The following EDC4 variants were observed in gnomAD, a reference collection of about 807,000 sequenced individuals.
EDC4 encodes the protein enhancer of mRNA-decapping protein 4.
A neutral mutation model predicts 155.8 loss-of-function variants in EDC4; 64 were observed. The observed-to-expected ratio is 0.41, with a 90% CI of 0.34 to 0.51. The LOEUF is 0.51. Ranked by LOEUF, EDC4 falls within the 20% of genes least tolerant of loss-of-function variation. EDC4 has a pLI of 0.19. For synonymous variants in EDC4, 684 were observed against 716.8 expected, an observed-to-expected ratio of 0.95 and a Z score of 0.73; for missense variants, 1,303 against 1,812.5, an observed-to-expected ratio of 0.72 and a Z score of 5.10.
At position 67,881,718 on chromosome 16, in the gene EDC4, A is replaced by C; in HGVS notation, c.2877A>C (p.Arg959Ser). ...DWPALIWQQQ[R>S]ELAELRHSQE... ...CAGCACTAATTTGGCAACAGCAGAG[A>C]GAGCTGGCAGAGCTGCGGCACAGCC... Residue 959 changes from arginine (R) to serine (S), a missense_variant, in exon 22 of 29, where the codon AGA becomes AGC. Around this residue, in one of 5 missense-constraint regions of EDC4, gnomAD observed 527 missense variants for 757.0 expected, o/e 0.70. Transcript: ENST00000358933. The surrounding 1 kb of genome is among the most constrained non-coding windows in gnomAD (Gnocchi z 5.4). 11 of 1,614,064 alleles carry C rather than the reference A, an allele frequency of 6.8e-6. No homozygotes were observed. Among genetic ancestry groups the C allele is most frequent in the Non-Finnish European group, 9.3e-6 (11 of 1,179,984 alleles).
rs750996360 is a variant in EDC4, at chr16:67,878,223, G to A, written c.952G>A (p.Asp318Asn). 1.4e-5 allele frequency: 22 copies of A among 1,613,992 alleles called. No homozygotes were observed. The highest frequency in any genetic ancestry group is 6.7e-5 in the East Asian group (3 of 44,894). Reference protein sequence around the residue: ...DGTVLATASHDGYVKFWQIYI... With the variant: ...DGTVLATASHNGYVKFWQIYI... The stretch of plus-strand genomic sequence containing the variant: ...GACTGTGCTGGCTACTGCGAGCCAC[G>A]ATGGCTATGTCAAGTTCTGGCAGAT... The change falls in exon 8 of 29, where the codon GAT becomes AAT. Residue 318 changes from aspartate (D) to asparagine (N), a missense_variant. By Grantham distance (23) the Asp-to-Asn change is conservative (BLOSUM62 1). Around this residue, in one of 5 missense-constraint regions of EDC4, gnomAD observed 235 missense variants for 367.7 expected, o/e 0.64. Coordinates refer to ENST00000358933, the MANE Select transcript of EDC4 (RefSeq NM_014329.5). The surrounding 1 kb of genome is among the most constrained non-coding windows in gnomAD (Gnocchi z 5.2).
rs751287965 is a variant in EDC4 at position 67,881,225 on chromosome 16, C to T, written c.2637-40C>T. The T allele has an allele frequency of 6.2e-7, 1 of 1,614,026 alleles. No individual in the cohort carries two copies. The highest frequency in any genetic ancestry group is 1.7e-5 in the Admixed American group (1 of 60,020). On this transcript the variant is annotated intron_variant, in intron 19 of 28. Coordinates refer to ENST00000358933, the MANE Select transcript of EDC4 (RefSeq NM_014329.5). This position sits in a 1 kb window ranked among gnomAD's most constrained non-coding sequence, Gnocchi z 5.4. ...ATTGCCCTCATGGGGGGATGGGCAG[C>T]AAGTGGGCAGGGGCTTACTCCTCCT...
Position 67,877,811 on chromosome 16 carries a change from A to G in EDC4, c.860A>G (p.Lys287Arg). Residue 287 changes from lysine (K) to arginine (R), a missense_variant, in exon 7 of 29, where the codon AAG becomes AGG. By Grantham distance (26) the Lys-to-Arg change is conservative. This residue lies in a region of EDC4 where 235 missense variants were observed against 367.7 expected (regional missense o/e 0.64). Transcript: ENST00000358933. The surrounding 1 kb of genome is among the most constrained non-coding windows in gnomAD (Gnocchi z 4.9). Reference sequence around the variant, plus strand: ...TGGCCTGTGGATGTTAGCCAGATCAAGCAGGGCTTCATTGTGGTAAAAGGT... The same window carrying G: ...TGGCCTGTGGATGTTAGCCAGATCAGGCAGGGCTTCATTGTGGTAAAAGGT... The part of the protein sequence containing the change: ...STWPVDVSQI[K>R]QGFIVVKGHS... 1 of 1,614,162 alleles carries G rather than the reference A, an allele frequency of 6.2e-7. No homozygotes were observed. The highest frequency in any genetic ancestry group is 2.2e-5 in the East Asian group (1 of 44,880).
chr16:67,878,309 G>A lies in EDC4; in HGVS notation c.1004+34G>A, dbSNP rs1375328710. ...GGGCCTCAGGGACCAGGATCCTCCC[G>A]AGGTAGCCCACCCGACCACTCACTC... On this transcript the variant is annotated intron_variant, in intron 8 of 28. Coordinates refer to ENST00000358933, the MANE Select transcript of EDC4 (RefSeq NM_014329.5). This position sits in a 1 kb window ranked among gnomAD's most constrained non-coding sequence, Gnocchi z 5.2. 82 of 1,614,072 alleles carry A rather than the reference G, an allele frequency of 5.1e-5. No homozygotes were observed. The highest frequency in any genetic ancestry group is 1.2e-4 in the Admixed American group (7 of 60,006).
chr16:67,882,676 C>T lies in EDC4; in HGVS notation c.3443-3C>T, dbSNP rs780019773. On this transcript the variant is annotated splice_region_variant and splice_polypyrimidine_tract_variant and intron_variant, in intron 25 of 28. Transcript: ENST00000358933. The surrounding 1 kb of genome is among the most constrained non-coding windows in gnomAD (Gnocchi z 7.2). ...TCTTATAGTCCCTGTGGTCACCCCT[C>T]AGACTTGCAGCAGCTAGAAAGCCAC... The T allele has an allele frequency of 1.7e-5, 27 of 1,614,122 alleles. No homozygotes were observed. The highest frequency in any genetic ancestry group is 2.2e-5 in the Non-Finnish European group (26 of 1,180,056).
At chr16:67,875,490 A>G (rs1301641996) in intron 1 of EDC4, among the ~76,000 whole-genome samples, 1 of 151,352 alleles carries the variant, frequency 6.6e-6, no homozygotes, top group African/African-American at 2.4e-5. Context: ...CCCTTTTGAA[A>G]CTCTTTATGG....
chr16:67,883,217 C>T lies in EDC4; in HGVS notation c.3849+40C>T. ...AGGCCCTGCTAAGGGTCACGTGTCT[C>T]TTGACAAGGCCCACATACCATACAT... is the stretch of plus-strand genomic sequence containing the variant. On this transcript the variant is annotated intron_variant, in intron 27 of 28. Coordinates refer to ENST00000358933, the MANE Select transcript of EDC4 (RefSeq NM_014329.5). The surrounding 1 kb of genome is among the most constrained non-coding windows in gnomAD (Gnocchi z 5.3). 6.6e-7 allele frequency: 1 copy of T among 1,518,886 alleles called. No individual in the cohort carries two copies. The highest frequency in any genetic ancestry group is 8.8e-7 in the Non-Finnish European group (1 of 1,132,334). 94.1% of individuals were successfully genotyped at this position (1,518,886 alleles called of 1,614,324 possible). A position where few individuals can be genotyped will look rare whatever the true frequency, so the allele number is the denominator to read the frequency against.
At position 67,881,595 on chromosome 16, in the gene EDC4, C is replaced by G. The variant is rs1269358424; in HGVS notation, c.2826+62C>G. The G allele has an allele frequency of 6.2e-7, 1 of 1,612,794 alleles. No homozygotes were observed. Among genetic ancestry groups the G allele is most frequent in the African/African-American group, 1.3e-5 (1 of 74,918 alleles). On this transcript the variant is annotated intron_variant, in intron 21 of 28. Transcript: ENST00000358933. This position sits in a 1 kb window ranked among gnomAD's most constrained non-coding sequence, Gnocchi z 5.4. The stretch of plus-strand genomic sequence containing the variant: ...CACCCTGGGCGGGTGGAGAAGGGCT[C>G]TGGGCCATTCCCTGGTCTGGTGTGT...
chr16:67,876,220 C>A lies in EDC4; in HGVS notation c.239+119C>A. The A allele has an allele frequency of 8.1e-7, 1 of 1,228,748 alleles. No individual in the cohort carries two copies. The highest frequency in any genetic ancestry group is 1.2e-6 in the Non-Finnish European group (1 of 868,438). The allele number at this position is 1,228,748 out of a possible 1,614,324, so 76.1% of individuals were successfully genotyped here. On this transcript the variant is annotated intron_variant, in intron 2 of 28. Transcript: ENST00000358933. This position sits in a 1 kb window ranked among gnomAD's most constrained non-coding sequence, Gnocchi z 5.8. ...CTCTGCTGCTTCCTCTCTAGATGAC[C>A]TGGGGTGGAGCTTGAGCTTGCACTA... is the stretch of plus-strand genomic sequence containing the variant.
rs2058070695 is a variant in EDC4 at position 67,882,113 on chromosome 16, A to C, written c.3160+4A>C. On this transcript the variant is annotated splice_donor_region_variant and intron_variant, in intron 23 of 28. Transcript: ENST00000358933. The surrounding 1 kb of genome is among the most constrained non-coding windows in gnomAD (Gnocchi z 7.2). ...ATCAAGAAGACAGTCCCTCCATGTGAGTTTTGCATGCAGACTCCCTTTGGG... is the reference window on the plus strand; with the variant it reads ...ATCAAGAAGACAGTCCCTCCATGTGCGTTTTGCATGCAGACTCCCTTTGGG... The C allele has an allele frequency of 4.3e-6, 7 of 1,613,576 alleles. No homozygotes were observed. The highest frequency in any genetic ancestry group is 5.1e-6 in the Non-Finnish European group (6 of 1,179,978).
In EDC4 at chr16:67,883,947, C is replaced by CA. The variant is rs926329037; in HGVS notation, c.4014-8dup. 5 of 1,586,850 alleles carry CA rather than the reference C, an allele frequency of 3.2e-6. No homozygotes were observed. In the African/African-American group the frequency reaches 6.7e-5, roughly 21 times the overall value. On this transcript the variant is annotated splice_polypyrimidine_tract_variant and intron_variant, in intron 28 of 28. Transcript: ENST00000358933. The surrounding 1 kb of genome is among the most constrained non-coding windows in gnomAD (Gnocchi z 5.3). Reference sequence around the variant, plus strand: ...CACCTGTAGCCTGTCCTTTCCCCCCCATCCCCAGCTACCTGGAAGAGGCCG... The same window carrying CA: ...CACCTGTAGCCTGTCCTTTCCCCCCCAATCCCCAGCTACCTGGAAGAGGCCG...
rs1343999156 is a variant in EDC4 at position 67,873,103 on chromosome 16, G to A, written c.-159G>A. 9 of 498,802 alleles carry A rather than the reference G, an allele frequency of 1.8e-5. No individual in the cohort carries two copies. Among genetic ancestry groups the A allele is most frequent in the East Asian group, 3.6e-5 (1 of 27,864 alleles). The allele number at this position is 498,802 out of a possible 1,614,324, so 30.9% of individuals were successfully genotyped here. ...GGAGGCGGTTGGTGGGGTTGGCGGG[G>A]CTCAGCGACGCTGCGCGGGTGGCGG... On this transcript the variant is annotated 5_prime_UTR_variant, in exon 1 of 29. Coordinates refer to ENST00000358933, the MANE Select transcript of EDC4 (RefSeq NM_014329.5).
chr16:67,882,189 C>T lies in EDC4; in HGVS notation c.3161-23C>T, dbSNP rs1200426256. ...GTCAAGCTTCTTCTCATGGCTCCACCTCACCCTCTTCCCCTCTCCCAGGTG... is the reference window on the plus strand; with the variant it reads ...GTCAAGCTTCTTCTCATGGCTCCACTTCACCCTCTTCCCCTCTCCCAGGTG... On this transcript the variant is annotated intron_variant, in intron 23 of 28. Coordinates refer to ENST00000358933, the MANE Select transcript of EDC4 (RefSeq NM_014329.5). This position sits in a 1 kb window ranked among gnomAD's most constrained non-coding sequence, Gnocchi z 7.2. The T allele has an allele frequency of 5.0e-6, 8 of 1,613,564 alleles. No homozygotes were observed. In the East Asian group the frequency reaches 1.8e-4, roughly 36 times the overall value.
rs8061384 is a variant in EDC4, at chr16:67,877,971, T to G, written c.894+126T>G. On this transcript the variant is annotated intron_variant, in intron 7 of 28. Coordinates refer to ENST00000358933, the MANE Select transcript of EDC4 (RefSeq NM_014329.5). This position sits in a 1 kb window ranked among gnomAD's most constrained non-coding sequence, Gnocchi z 4.9. ...TGCCCGTGGGGACTCTGAGCTCAAATTGGCCCTCACCTGTGCAGCTTTCTC... is the reference window on the plus strand; with the variant it reads ...TGCCCGTGGGGACTCTGAGCTCAAAGTGGCCCTCACCTGTGCAGCTTTCTC... 0.065 allele frequency: 98,507 copies of G among 1,505,414 alleles called. 7,151 individuals carry two copies. Among genetic ancestry groups the G allele is most frequent in the African/African-American group, 0.37 (26,801 of 72,344 alleles). 93.3% of individuals were successfully genotyped at this position (1,505,414 alleles called of 1,614,324 possible).
In EDC4 at chr16:67,882,915, C is replaced by T; in HGVS notation, c.3630-43C>T. 1.9e-6 allele frequency: 3 copies of T among 1,614,048 alleles called. No individual in the cohort carries two copies. The highest frequency in any genetic ancestry group is 2.5e-6 in the Non-Finnish European group (3 of 1,179,916). On this transcript the variant is annotated intron_variant, in intron 26 of 28. Coordinates refer to ENST00000358933, the MANE Select transcript of EDC4 (RefSeq NM_014329.5). This position sits in a 1 kb window ranked among gnomAD's most constrained non-coding sequence, Gnocchi z 7.2. ...GGTGGTGGGCTTGAGAAAGGCCAGA[C>T]TAGGCTCCCTGTCCACTTCACCTCA...
At chr16:67,873,654 C>T (rs956090701) in intron 1 of EDC4, among the ~76,000 whole-genome samples, 3 of 152,176 alleles carry the variant, frequency 2.0e-5, no homozygotes, top group African/African-American at 7.2e-5. Flanking sequence ...ACTGGCCTAG[C>T]TCCTCTTCCC....
rs777481299 is a variant in EDC4, at chr16:67,879,886, A to G, written c.1858A>G (p.Ser620Gly). ...TCCCAGCAGCAGCAGCAGCGGTAGCAGCAGCAGCAGCAGCAGTAGCAGCAG... is the reference window on the plus strand; with the variant it reads ...TCCCAGCAGCAGCAGCAGCGGTAGCGGCAGCAGCAGCAGCAGTAGCAGCAG... Reference protein sequence around the residue: ...ASPSSSSSGSSSSSSSSSSSL... With the variant: ...ASPSSSSSGSGSSSSSSSSSL... Residue 620 changes from serine to glycine, a missense_variant, in exon 16 of 29, where the codon AGC becomes GGC. Ser to Gly is a moderately conservative substitution (Grantham distance 56). Coordinates refer to ENST00000358933, the MANE Select transcript of EDC4 (RefSeq NM_014329.5). This position sits in a 1 kb window ranked among gnomAD's most constrained non-coding sequence, Gnocchi z 6.0. 8.7e-6 allele frequency: 14 copies of G among 1,611,918 alleles called. No homozygotes were observed. In the East Asian group the frequency reaches 3.1e-4, roughly 36 times the overall value.
chr16:67,881,580 G>C lies in EDC4; in HGVS notation c.2826+47G>C. ...GTACTTGTGGAACTTCACCCTGGGC[G>C]GGTGGAGAAGGGCTCTGGGCCATTC... On this transcript the variant is annotated intron_variant, in intron 21 of 28. Coordinates refer to ENST00000358933, the MANE Select transcript of EDC4 (RefSeq NM_014329.5). This position sits in a 1 kb window ranked among gnomAD's most constrained non-coding sequence, Gnocchi z 5.4. The C allele has an allele frequency of 6.2e-7, 1 of 1,613,432 alleles. No homozygotes were observed. The highest frequency in any genetic ancestry group is 8.5e-7 in the Non-Finnish European group (1 of 1,179,842).
In EDC4 at chr16:67,882,267, C is replaced by T; in HGVS notation, c.3216C>T (p.Thr1072=). The T allele has an allele frequency of 6.2e-7, 1 of 1,613,388 alleles. No homozygotes were observed. The highest frequency in any genetic ancestry group is 1.3e-5 in the African/African-American group (1 of 75,014). The change falls in exon 24 of 29, where the codon ACC becomes ACT. Residue 1072 remains threonine (T), a synonymous_variant. Transcript: ENST00000358933. The surrounding 1 kb of genome is among the most constrained non-coding windows in gnomAD (Gnocchi z 7.2). ...MAGQLSNSVA[T]KLTAVEGSMK... ...GCCAACTGAGCAACTCAGTGGCTAC[C>T]AAGCTCACAGCTGTGGAGGGCAGCA...
Sources: gnomAD v4.1 joint callset for allele counts (sites outside exome capture counted in the v4.1 genomes callset) on GRCh38, gnomAD v4.1.1 for gene constraint, gnomAD v4.1.1 regional missense constraint, Gnocchi (gnomAD v3.1) non-coding constraint, MANE v1.5 for transcripts, NCBI Gene and HGNC (gene_info 2026-07-23, HGNC 2026-07-21) for gene names.